Variants in KCNIP1 observed in about 807,000 individuals in gnomAD.
KCNIP1 encodes A-type potassium channel modulatory protein KCNIP1.
A neutral mutation model predicts 33.0 loss-of-function variants in KCNIP1; 18 were observed. That is an observed-to-expected ratio of 0.55 (90% CI 0.38 to 0.81). KCNIP1 has a LOEUF of 0.81. Among genes scored for constraint, KCNIP1 ranks in the 30% least tolerant of loss-of-function variants. The pLI, the probability that KCNIP1 is intolerant of heterozygous loss-of-function variation, is 0.00. For missense variants in KCNIP1, 238 were observed against 271.6 expected (o/e 0.88, Z 0.87); for synonymous variants, 93 against 98.3 (o/e 0.95, Z 0.32).
intron 1 of KCNIP1, among the ~76,000 whole-genome samples, chr5:170,478,639 T>C (rs913472647): frequency 2.0e-5 from 3 of 152,174 alleles, no homozygotes; most frequent in African/African-American, 4.8e-5. Flanking sequence ...CAGTTTTCCA[T>C]TGCAAGAACA....
chr5:170,429,393 A>G (rs1380268499), intron 1 of KCNIP1, among the ~76,000 whole-genome samples: 3 of 151,696 alleles, frequency 2.0e-5, no homozygotes, highest in Admixed American at 6.6e-5. Context: ...ATATATGTAT[A>G]TATATATATA....
chr5:170,697,624 G>T (rs1762943734), intron 1 of KCNIP1, among the ~76,000 whole-genome samples: 1 of 152,164 alleles, frequency 6.6e-6, no homozygotes, highest in Non-Finnish European at 1.5e-5. Context: ...CATCTGTCTG[G>T]CTGCAGAGCC....
At chr5:170,606,318 C>A (rs1013185185) in intron 1 of KCNIP1, among the ~76,000 whole-genome samples, 1 of 152,078 alleles carries the variant, frequency 6.6e-6, no homozygotes, top group Non-Finnish European at 1.5e-5. Flanking sequence ...TGAGAAACTG[C>A]CCAACAGTTT....
At chr5:170,633,242 G>A (rs891021261) in intron 1 of KCNIP1, among the ~76,000 whole-genome samples, 1 of 152,094 alleles carries the variant, frequency 6.6e-6, no homozygotes, top group East Asian at 1.9e-4. Flanking sequence ...CGAAGTGGGA[G>A]GAGGACGCTG....
chr5:170,724,275 T>G (rs1008726150), intron 5 of KCNIP1, among the ~76,000 whole-genome samples: 1 of 152,166 alleles, frequency 6.6e-6, no homozygotes. Flanking sequence ...GCTTGTTTTA[T>G]AAGTCCAATA....
intron 1 of KCNIP1, among the ~76,000 whole-genome samples, chr5:170,549,237 C>A (rs773169924): frequency 7.2e-5 from 11 of 152,188 alleles, no homozygotes; most frequent in Non-Finnish European, 7.3e-5. Flanking sequence ...TTCCTAAGTT[C>A]TTTTTAAAGC....
At chr5:170,361,407 C>A (rs773970321) in intron 1 of KCNIP1, among the ~76,000 whole-genome samples, 1 of 152,192 alleles carries the variant, frequency 6.6e-6, no homozygotes, top group Non-Finnish European at 1.5e-5. Context: ...CAGAAGAAAG[C>A]CTTCCTTCTC....
chr5:170,622,721 T>C (rs1438457745), intron 1 of KCNIP1, among the ~76,000 whole-genome samples: 1 of 147,640 alleles, frequency 6.8e-6, no homozygotes, highest in East Asian at 2.0e-4. Context: ...GGCTAAGGAG[T>C]GTCTGGGGCC....
intron 7 of KCNIP1, among the ~76,000 whole-genome samples, chr5:170,734,836 A>AGAATG (rs1764325050): frequency 6.6e-6 from 1 of 152,282 alleles, no homozygotes; most frequent in South Asian, 2.1e-4. Context: ...TTTAACAACT[A>AGAATG]GAATGGAATG....
chr5:170,389,025 G>GA (rs1316170386), intron 1 of KCNIP1, among the ~76,000 whole-genome samples: 1 of 152,196 alleles, frequency 6.6e-6, no homozygotes, highest in East Asian at 1.9e-4. Context: ...GCCACTCTGA[G>GA]AACTGGGACC....
chr5:170,376,117 C>G (rs1238939499), intron 1 of KCNIP1: 1 of 143,222 alleles, frequency 7.0e-6, no homozygotes, highest in African/African-American at 2.6e-5. Flanking sequence ...GTCAGTATAA[C>G]TTCTGGAAGT....
chr5:170,376,538 C>T (rs1035501533), intron 1 of KCNIP1: 6 of 152,100 alleles, frequency 3.9e-5, no homozygotes, highest in African/African-American at 1.4e-4. Context: ...CTCCAATAGG[C>T]CTCAGTGTGT....
At chr5:170,381,290 C>A (rs1255476791) in intron 1 of KCNIP1, among the ~76,000 whole-genome samples, 1 of 152,214 alleles carries the variant, frequency 6.6e-6, no homozygotes, top group Non-Finnish European at 1.5e-5. Flanking sequence ...CTGAAACCAA[C>A]CAGCTTTTTC....
At chr5:170,445,333 T>C (rs574771757) in intron 1 of KCNIP1, among the ~76,000 whole-genome samples, 1 of 150,948 alleles carries the variant, frequency 6.6e-6, no homozygotes, top group African/African-American at 2.4e-5. Context: ...TGGTCCTTGC[T>C]GATCGGAGAG....
chr5:170,675,768 G>GC (rs1310575999), intron 1 of KCNIP1, among the ~76,000 whole-genome samples: 3 of 152,074 alleles, frequency 2.0e-5, no homozygotes, highest in African/African-American at 7.3e-5. Flanking sequence ...CCCTCTCTTT[G>GC]CCCCCATTTT....
intron 1 of KCNIP1, among the ~76,000 whole-genome samples, chr5:170,690,292 A>T (rs1199358377): frequency 2.0e-5 from 3 of 152,150 alleles, no homozygotes; most frequent in Non-Finnish European, 2.9e-5. Context: ...CTTCTTGCTC[A>T]TTTCCAGTGG....
At chr5:170,712,076 G>A (rs1408882824) in intron 1 of KCNIP1, among the ~76,000 whole-genome samples, 1 of 152,172 alleles carries the variant, frequency 6.6e-6, no homozygotes, top group Non-Finnish European at 1.5e-5. Flanking sequence ...AAGGCCAGCA[G>A]GAGAGTATCT....
At chr5:170,644,331 C>T (rs1760701676) in intron 1 of KCNIP1, among the ~76,000 whole-genome samples, 1 of 152,216 alleles carries the variant, frequency 6.6e-6, no homozygotes, top group Non-Finnish European at 1.5e-5. Context: ...CAGCCGAGTG[C>T]GGGAGACTCT....
At chr5:170,459,695 C>T (rs1225754765) in intron 1 of KCNIP1, among the ~76,000 whole-genome samples, 2 of 152,076 alleles carry the variant, frequency 1.3e-5, no homozygotes, top group East Asian at 1.9e-4. Context: ...AAAGGGGATG[C>T]TAAGAGGAAA....
Sources: allele counts gnomAD v4.1 joint callset (sites outside exome capture counted in the v4.1 genomes callset), GRCh38; gene constraint gnomAD v4.1.1; transcripts MANE v1.5; gene names NCBI Gene and HGNC (gene_info 2026-07-23, HGNC 2026-07-21).